MAP7: variants seen among roughly 807,000 people sequenced by gnomAD.
MAP7 encodes ensconsin.
A neutral mutation model predicts 94.8 loss-of-function variants in MAP7; 52 were observed. That is an observed-to-expected ratio of 0.55 (90% CI 0.44 to 0.69). The LOEUF is 0.69. MAP7 is among the 30% of genes least tolerant of loss of function. MAP7 has a pLI of 0.00. For synonymous variants in MAP7, 350 were observed against 357.0 expected, an observed-to-expected ratio of 0.98 and a Z score of 0.22; for missense variants, 940 against 964.6, an observed-to-expected ratio of 0.97 and a Z score of 0.34.
At chr6:136,365,656 G>C in intron 10 of MAP7, 79 bp downstream of exon 10, 1 of 1,477,966 alleles carries the variant, frequency 6.8e-7, no homozygotes, top group Non-Finnish European at 9.1e-7. Flanking sequence ...AAGAAGAAAA[G>C]GAAAACAAAA....
intron 3 of MAP7, among the ~76,000 whole-genome samples, chr6:136,391,531 C>T (rs1473324270): frequency 7.4e-6 from 1 of 135,478 alleles, no homozygotes; most frequent in Non-Finnish European, 1.6e-5. Flanking sequence ...TGCACATGTA[C>T]CCTAAAACTT....
intron 1 of MAP7, among the ~76,000 whole-genome samples, chr6:136,500,639 A>G (rs943373154): frequency 6.6e-5 from 10 of 152,266 alleles, no homozygotes; most frequent in Non-Finnish European, 1.3e-4. Context: ...TTGTGGTTAC[A>G]CTAAGTGCAT....
intron 2 of MAP7, among the ~76,000 whole-genome samples, chr6:136,413,773 A>G (rs1788285242): frequency 6.6e-6 from 1 of 152,058 alleles, no homozygotes; most frequent in Admixed American, 6.5e-5. Flanking sequence ...AACCACACCC[A>G]GCTAATTTTT....
chr6:136,528,012 T>C (rs1373215699), intron 1 of MAP7, among the ~76,000 whole-genome samples: 1 of 152,208 alleles, frequency 6.6e-6, no homozygotes, highest in Admixed American at 6.5e-5. Context: ...GAATGGAGTT[T>C]TGGAGCTGAA....
At chr6:136,367,881 C>CCT (rs1554233185) in intron 8 of MAP7, among the ~76,000 whole-genome samples, 3 of 150,602 alleles carry the variant, frequency 2.0e-5, no homozygotes, top group Non-Finnish European at 4.4e-5. Flanking sequence ...AGTAGCCCTT[C>CCT]TTTTTTTTTC....
chr6:136,371,873 C>G (rs189466553), intron 8 of MAP7, among the ~76,000 whole-genome samples: 1 of 152,130 alleles, frequency 6.6e-6, no homozygotes, highest in East Asian at 1.9e-4. Flanking sequence ...TACCTCAGCC[C>G]GTAATAATAA....
intron 1 of MAP7, among the ~76,000 whole-genome samples, chr6:136,455,542 G>C (rs560306672): frequency 6.6e-6 from 1 of 152,214 alleles, no homozygotes; most frequent in South Asian, 2.1e-4. Context: ...CTATGTTCCA[G>C]GATATGTCCC....
intron 1 of MAP7, among the ~76,000 whole-genome samples, chr6:136,547,765 G>C (rs1170330757): frequency 6.6e-6 from 1 of 152,100 alleles, no homozygotes. Context: ...ATATGCTTAA[G>C]AACGGTCTCA....
rs545368552 is a variant in MAP7, at chr6:136,409,352, A to G, written c.244+2268T>C. Among the ~76,000 whole-genome samples, 263 of 152,294 alleles carry G rather than the reference A, an allele frequency of 1.7e-3. 2 individuals carry two copies. The highest frequency in any genetic ancestry group is 3.3e-3 in the South Asian group (16 of 4,818). ...ACCGTGATCACACCTGTGAACAGCT[A>G]TTGCAGTCCAGCCTGGGCAACATAA... On this transcript the variant is annotated intron_variant, in intron 3 of 17. Transcript: ENST00000354570.
intron 16 of MAP7, among the ~76,000 whole-genome samples, chr6:136,354,179 T>A (rs1170876953): frequency 1.4e-5 from 2 of 145,016 alleles, no homozygotes; most frequent in Non-Finnish European, 3.0e-5. Flanking sequence ...CTACTATATA[T>A]AAAAATATAT....
intron 7 of MAP7, among the ~76,000 whole-genome samples, chr6:136,375,293 A>G (rs1411474985): frequency 3.9e-5 from 6 of 152,196 alleles, no homozygotes; most frequent in Non-Finnish European, 7.4e-5. Context: ...TCCCGGGGAA[A>G]AAAAGTATAG....
rs1252005662 is a variant in MAP7, at chr6:136,505,271, GTGTGTGTATATA to G, written c.67+45059_67+45070del. 9.6e-4 allele frequency among the ~76,000 whole-genome samples: 92 copies of G among 95,444 alleles called. 1 individual carries two copies. The highest frequency in any genetic ancestry group is 5.8e-4 in the Non-Finnish European group (30 of 51,500). The allele number at this position is 95,444 out of a possible 152,430, so 62.6% of individuals were successfully genotyped here. ...ATGTAATGTGTGTGTGTGTGTGTGT[GTGTGTGTATATA>G]TATATATATATATATATATATATAT... On this transcript the variant is annotated intron_variant, in intron 1 of 17. Coordinates refer to ENST00000354570, the MANE Select transcript of MAP7 (RefSeq NM_003980.6).
chr6:136,375,642 T>A (rs1383389121), intron 7 of MAP7, among the ~76,000 whole-genome samples: 2 of 152,120 alleles, frequency 1.3e-5, no homozygotes, highest in Admixed American at 1.3e-4. Context: ...TAAATGAAAA[T>A]TTTAAAAAAC....
intron 1 of MAP7, among the ~76,000 whole-genome samples, chr6:136,542,191 C>A (rs1043033487): frequency 1.3e-5 from 2 of 152,096 alleles, no homozygotes; most frequent in Admixed American, 6.6e-5. Flanking sequence ...AATCCAAATG[C>A]CATTTAAATG....
intron 1 of MAP7, among the ~76,000 whole-genome samples, chr6:136,543,890 G>T (rs1286171915): frequency 4.6e-5 from 7 of 152,038 alleles, no homozygotes; most frequent in Non-Finnish European, 1.0e-4. Flanking sequence ...ACTAAAAAAA[G>T]AAAATAAAAG....
At chr6:136,448,728 A>C (rs1484166164) in intron 1 of MAP7, among the ~76,000 whole-genome samples, 3 of 152,142 alleles carry the variant, frequency 2.0e-5, no homozygotes, top group Admixed American at 2.0e-4. Context: ...ATGAATTCTT[A>C]TAAAGGACTC....
intron 1 of MAP7, among the ~76,000 whole-genome samples, chr6:136,478,088 T>C (rs1048832739): frequency 2.0e-5 from 3 of 152,084 alleles, no homozygotes; most frequent in African/African-American, 7.2e-5. Flanking sequence ...AAATTTCTTG[T>C]AACAAATGAA....
At chr6:136,530,126 G>C (rs1376265914) in intron 1 of MAP7, among the ~76,000 whole-genome samples, 1 of 152,122 alleles carries the variant, frequency 6.6e-6, no homozygotes, top group Non-Finnish European at 1.5e-5. Context: ...CTTAACCAGT[G>C]AGAAACATAC....
chr6:136,450,347 T>C (rs1336347952), intron 1 of MAP7, among the ~76,000 whole-genome samples: 1 of 152,078 alleles, frequency 6.6e-6, no homozygotes, highest in African/African-American at 2.4e-5. Context: ...ACTAACAATA[T>C]CATAAACATA....
Sources: allele counts gnomAD v4.1 joint callset (sites outside exome capture counted in the v4.1 genomes callset), GRCh38; gene constraint gnomAD v4.1.1; transcripts MANE v1.5; gene names NCBI Gene and HGNC (gene_info 2026-07-23, HGNC 2026-07-21).